PUS10: variants seen among roughly 807,000 people sequenced by gnomAD.
The protein encoded by PUS10 is tRNA pseudouridine synthase Pus10.
A neutral mutation model predicts 75.0 loss-of-function variants in PUS10; 59 were observed. That is an observed-to-expected ratio of 0.79 (90% CI 0.64 to 0.98). The LOEUF is 0.98. Among genes scored for constraint, PUS10 ranks in the 50% least tolerant of loss-of-function variants. The pLI, the probability that PUS10 is intolerant of heterozygous loss-of-function variation, is 0.00. For missense variants in PUS10, 650 were observed against 614.4 expected (o/e 1.06, Z -0.61); for synonymous variants, 219 against 211.6 (o/e 1.03, Z -0.30).
intron 4 of PUS10, among the ~76,000 whole-genome samples, chr2:60,981,577 T>A (rs2104494159): frequency 6.6e-6 from 1 of 152,376 alleles, no homozygotes; most frequent in South Asian, 2.1e-4. Context: ...CCACCGTGCC[T>A]GGCCTAAAAA....
chr2:61,011,093 G>A (rs1679567451), intron 2 of PUS10, among the ~76,000 whole-genome samples: 1 of 152,034 alleles, frequency 6.6e-6, no homozygotes, highest in South Asian at 2.1e-4. Context: ...GTGTGTATAT[G>A]TTGTATACAT....
chr2:60,990,468 T>G (rs975479584), intron 4 of PUS10, among the ~76,000 whole-genome samples: 4 of 152,208 alleles, frequency 2.6e-5, no homozygotes, highest in Non-Finnish European at 5.9e-5. Context: ...GGAATCCTGA[T>G]AAGCCCTATG....
At chr2:60,988,926 G>A (rs886615685) in intron 4 of PUS10, among the ~76,000 whole-genome samples, 1 of 151,852 alleles carries the variant, frequency 6.6e-6, no homozygotes, top group South Asian at 2.1e-4. Context: ...ACAGGCATGA[G>A]CCCCACCACC....
At chr2:61,006,470 G>A (rs1464488385) in intron 4 of PUS10, 87 bp downstream of exon 4, 1 of 957,234 alleles carries the variant, frequency 1.0e-6, no homozygotes, top group African/African-American at 1.7e-5. Flanking sequence ...AAATATAATA[G>A]AGTAAGGAAT....
intron 16 of PUS10, among the ~76,000 whole-genome samples, chr2:60,946,843 A>AT (rs1674973702): frequency 6.7e-6 from 1 of 149,968 alleles, no homozygotes; most frequent in African/African-American, 2.5e-5. Context: ...GTGTGTGTGT[A>AT]ATATATATAT....
chr2:60,990,075 T>C (rs1364011171), intron 4 of PUS10, among the ~76,000 whole-genome samples: 1 of 152,140 alleles, frequency 6.6e-6, no homozygotes, highest in Non-Finnish European at 1.5e-5. Context: ...CATATTGATA[T>C]TCTCAGAAAG....
At chr2:60,993,102 C>T (rs1419493309) in intron 4 of PUS10, among the ~76,000 whole-genome samples, 1 of 152,122 alleles carries the variant, frequency 6.6e-6, no homozygotes, top group African/African-American at 2.4e-5. Context: ...AAGGAAGTAG[C>T]CCTGTGAAAT....
chr2:60,969,473 A>T lies in PUS10; in HGVS notation c.504-1860T>A, dbSNP rs569643297. Among the ~76,000 whole-genome samples, 216 of 152,340 alleles carry T rather than the reference A, an allele frequency of 1.4e-3. 1 individual carries two copies. The highest frequency in any genetic ancestry group is 5.0e-3 in the African/African-American group (206 of 41,586). ...TTAAAGTAAATTCAGTCCCCATTTC[A>T]TACTTAGTAACTACACTTCTCTTTC... is the stretch of plus-strand genomic sequence containing the variant. On this transcript the variant is annotated intron_variant, in intron 5 of 17. Transcript: ENST00000316752.
chr2:60,999,803 T>A (rs1375075794), intron 4 of PUS10, among the ~76,000 whole-genome samples: 2 of 152,146 alleles, frequency 1.3e-5, no homozygotes, highest in Non-Finnish European at 2.9e-5. Context: ...CAACCCTGGA[T>A]AGAAAACATT....
At chr2:60,972,003 T>G (rs1209426154) in intron 4 of PUS10, among the ~76,000 whole-genome samples, 1 of 149,944 alleles carries the variant, frequency 6.7e-6, no homozygotes, top group Non-Finnish European at 1.5e-5. Flanking sequence ...TCTGAGTAGC[T>G]GGTATTACAA....
At chr2:60,970,320 C>G (rs1676580333) in intron 5 of PUS10, among the ~76,000 whole-genome samples, 1 of 152,044 alleles carries the variant, frequency 6.6e-6, no homozygotes, top group African/African-American at 2.4e-5. Context: ...TAACACAAAA[C>G]AAACAAAAAA....
At chr2:60,960,339 A>C in intron 11 of PUS10, 53 bp downstream of exon 11, 1 of 1,306,774 alleles carries the variant, frequency 7.7e-7, no homozygotes. Flanking sequence ...GCAAGCCCCT[A>C]TCTCAAAAAA....
chr2:60,979,979 A>G (rs1241862612), intron 4 of PUS10, among the ~76,000 whole-genome samples: 1 of 152,188 alleles, frequency 6.6e-6, no homozygotes, highest in Non-Finnish European at 1.5e-5. Context: ...CCAACACTGT[A>G]GGTGCTGATG....
intron 3 of PUS10, among the ~76,000 whole-genome samples, chr2:61,007,246 T>G (rs1273036988): frequency 2.6e-5 from 4 of 152,040 alleles, no homozygotes; most frequent in Non-Finnish European, 2.9e-5. Context: ...AGAAAATATT[T>G]TAATGATCCA....
At chr2:60,947,846 A>AAAAAG (rs1558861928) in intron 16 of PUS10, among the ~76,000 whole-genome samples, 197 bp downstream of exon 16, 12 of 151,112 alleles carry the variant, frequency 7.9e-5, no homozygotes, top group East Asian at 1.9e-4. Flanking sequence ...AAAAAAAAAA[A>AAAAAG]AAAAGAAAAG....
At position 60,942,234 on chromosome 2, in the gene PUS10, T is replaced by C. The variant is rs1390303421; in HGVS notation, c.*161A>G. 4 of 666,530 alleles carry C rather than the reference T, an allele frequency of 6.0e-6. No homozygotes were observed. The highest frequency in any genetic ancestry group is 3.6e-5 in the African/African-American group (2 of 55,632). The allele number at this position is 666,530 out of a possible 1,614,324, so 41.3% of individuals were successfully genotyped here. A position where few individuals can be genotyped will look rare whatever the true frequency, so the allele number is the denominator to read the frequency against. On this transcript the variant is annotated 3_prime_UTR_variant, in exon 18 of 18. Coordinates refer to ENST00000316752, the MANE Select transcript of PUS10 (RefSeq NM_144709.4). ...AACACAAAATATACACATATATAGA[T>C]CCTGAGATGTTACAACAAATTAACA...
rs2104249050 is a variant in PUS10 at position 60,954,126 on chromosome 2, G to A, written c.1090C>T (p.His364Tyr). 7 of 1,614,172 alleles carry A rather than the reference G, an allele frequency of 4.3e-6. No homozygotes were observed. The East Asian group carries it at 1.3e-4, about 31-fold the overall frequency. Residue 364 changes from histidine (H) to tyrosine (Y), a missense_variant, in exon 13 of 18, where the codon CAT becomes TAT. His to Tyr is a moderately conservative substitution (Grantham distance 83). Coordinates refer to ENST00000316752, the MANE Select transcript of PUS10 (RefSeq NM_144709.4). ...RPFAIELVNPHRVHFTSQEIK... is the reference protein window; with the variant it reads ...RPFAIELVNPYRVHFTSQEIK... ...TCTTGTGAAGTGAAATGTACTCTATGAGGATTCACCAGCTCAATTGCAAAG... is the reference window on the plus strand; with the variant it reads ...TCTTGTGAAGTGAAATGTACTCTATAAGGATTCACCAGCTCAATTGCAAAG...
At chr2:60,958,681 T>C (rs1675827364) in intron 11 of PUS10, among the ~76,000 whole-genome samples, 1 of 152,070 alleles carries the variant, frequency 6.6e-6, no homozygotes, top group Non-Finnish European at 1.5e-5. Context: ...CTCGGGAGTT[T>C]GAGACTAGCC....
At chr2:60,975,666 C>CA (rs1160640734) in intron 4 of PUS10, among the ~76,000 whole-genome samples, 5,365 of 79,338 alleles carry the variant, frequency 0.068, 163 homozygotes, top group African/African-American at 0.16. Flanking sequence ...AGGGAGCATT[C>CA]AAAAAAAAAA....
Sources: gnomAD v4.1 joint callset for allele counts (sites outside exome capture counted in the v4.1 genomes callset) on GRCh38, gnomAD v4.1.1 for gene constraint, MANE v1.5 for transcripts, NCBI Gene and HGNC (gene_info 2026-07-23, HGNC 2026-07-21) for gene names.